Variants in CHFR observed in about 807,000 individuals in gnomAD.
The protein encoded by CHFR is E3 ubiquitin-protein ligase CHFR.
Under a neutral mutation model 87.6 loss-of-function variants are expected in CHFR, and 57 were observed. The ratio of observed to expected loss-of-function variants is 0.65; its 90% confidence interval spans 0.53 to 0.81. The LOEUF (loss-of-function observed/expected upper bound fraction) is 0.81. CHFR is among the 30% of genes least tolerant of loss of function. CHFR has a pLI of 0.00. For missense variants in CHFR, 797 were observed against 865.8 expected (o/e 0.92, Z 1.00); for synonymous variants, 381 against 359.2 (o/e 1.06, Z -0.69).
At chr12:132,869,863 C>T in intron 5 of CHFR, 65 bp from the exon 6 acceptor site, 3 of 1,526,020 alleles carry the variant, frequency 2.0e-6, no homozygotes, top group East Asian at 2.5e-5. Flanking sequence ...AGAAGCAGCA[C>T]ACAACCAGGG....
In CHFR at chr12:132,885,102, T is replaced by C. The variant is rs1300078668; in HGVS notation, c.133+2094A>G. On this transcript the variant is annotated intron_variant, in intron 2 of 17. Transcript: ENST00000450056. ...GACTCTATCTCAAAAATTAAAAAAA[T>C]AAAATAAAATAAAAAATAAATTTCT... Among the ~76,000 whole-genome samples, 19 of 148,566 alleles carry C rather than the reference T, an allele frequency of 1.3e-4. No individual in the cohort carries two copies. In the Admixed American group the frequency reaches 1.3e-3, roughly 10 times the overall value.
intron 12 of CHFR, among the ~76,000 whole-genome samples, chr12:132,850,758 C>T (rs1208347066): frequency 6.6e-6 from 1 of 152,098 alleles, no homozygotes; most frequent in East Asian, 1.9e-4. Flanking sequence ...CAGAGCAACA[C>T]CGGTGTGTGC....
rs996752517 is a variant in CHFR, at chr12:132,836,769, C to T, written c.*4785G>A. On this transcript the variant is annotated 3_prime_UTR_variant, in exon 18 of 18. Coordinates refer to ENST00000450056, the MANE Select transcript of CHFR (RefSeq NM_001161346.2). ...GAGGAAGGGGCGCCTGTTTGTGCCGCGGGAAAGATTTCAAGCCCAGGGGAC... is the reference window on the plus strand; with the variant it reads ...GAGGAAGGGGCGCCTGTTTGTGCCGTGGGAAAGATTTCAAGCCCAGGGGAC... The T allele has an allele frequency of 6.6e-6, 3 of 455,848 alleles. No homozygotes were observed. Among genetic ancestry groups the T allele is most frequent in the East Asian group, 6.9e-5 (1 of 14,404 alleles). The allele number at this position is 455,848 out of a possible 1,614,324, so 28.2% of individuals were successfully genotyped here. A position where few individuals can be genotyped will look rare whatever the true frequency, so the allele number is the denominator to read the frequency against.
chr12:132,861,949 A>G (rs1951218812), intron 6 of CHFR: 2 of 330,322 alleles, frequency 6.1e-6, no homozygotes, highest in East Asian at 5.8e-5. Context: ...CCGTGGTCAT[A>G]TGATACACAC....
rs540115022 is a variant in CHFR at position 132,835,849 on chromosome 12, G to A, written c.*5705C>T. 31 of 324,630 alleles carry A rather than the reference G, an allele frequency of 9.5e-5. No homozygotes were observed. Among genetic ancestry groups the A allele is most frequent in the African/African-American group, 5.6e-4 (24 of 42,670 alleles). The allele number at this position is 324,630 out of a possible 1,614,324, so 20.1% of individuals were successfully genotyped here. A position where few individuals can be genotyped will look rare whatever the true frequency, so the allele number is the denominator to read the frequency against. ...GTGCCAGGCTCCCAGCACAGCGCACGGCCCTCACAGTGATAGGCTCCCAGC... is the reference window on the plus strand; with the variant it reads ...GTGCCAGGCTCCCAGCACAGCGCACAGCCCTCACAGTGATAGGCTCCCAGC... On this transcript the variant is annotated 3_prime_UTR_variant, in exon 18 of 18. Coordinates refer to ENST00000450056, the MANE Select transcript of CHFR (RefSeq NM_001161346.2).
chr12:132,861,594 G>A lies in CHFR; in HGVS notation c.624C>T (p.Pro208=). Residue 208 remains proline (P), a synonymous_variant, in exon 7 of 18, where the codon CCC becomes CCT. Coordinates refer to ENST00000450056, the MANE Select transcript of CHFR (RefSeq NM_001161346.2). ...GGGISPKGSG[P]SVASDEVSSF... is the part of the protein sequence containing the mutation. ...TGGAGACTTCATCACTTGCCACAGA[G>A]GGACCACTTCCTTTAGGGGAGATGC... is the stretch of plus-strand genomic sequence containing the variant. The A allele has an allele frequency of 6.2e-6, 10 of 1,614,192 alleles. No homozygotes were observed. Among genetic ancestry groups the A allele is most frequent in the Non-Finnish European group, 8.5e-6 (10 of 1,180,030 alleles).
At chr12:132,881,276 A>G (rs1365216564) in intron 2 of CHFR, among the ~76,000 whole-genome samples, 1 of 152,180 alleles carries the variant, frequency 6.6e-6, no homozygotes, top group Non-Finnish European at 1.5e-5. Context: ...AAAAAAGTAA[A>G]AATCTGTTCT....
chr12:132,843,571 A>G (rs1272253836), intron 16 of CHFR, among the ~76,000 whole-genome samples: 2 of 152,232 alleles, frequency 1.3e-5, no homozygotes, highest in Non-Finnish European at 2.9e-5. Context: ...CCCAGGGCCT[A>G]AAACAACCAC....
chr12:132,869,850 A>G, intron 5 of CHFR, 52 bp from the exon 6 acceptor site: 1 of 1,539,346 alleles, frequency 6.5e-7, no homozygotes, highest in Non-Finnish European at 8.8e-7. Context: ...ACCCAAAAGG[A>G]GCAGAAGCAG....
intron 3 of CHFR, among the ~76,000 whole-genome samples, chr12:132,874,159 G>A (rs1309457997): frequency 2.0e-5 from 3 of 152,258 alleles, no homozygotes; most frequent in Non-Finnish European, 2.9e-5. Flanking sequence ...ATCGGACTCT[G>A]GACCTCCATA....
At chr12:132,856,811 G>A in intron 9 of CHFR, 181 bp from the exon 10 acceptor site, 5 of 717,016 alleles carry the variant, frequency 7.0e-6, no homozygotes. Context: ...TGGTGTGGAT[G>A]CCCTCACGTG....
chr12:132,837,000 T>G lies in CHFR; in HGVS notation c.*4554A>C. ...GACAGGTGCTGGGGGGAAACTAGAC[T>G]GGCTGGCGGGGTGGGGGCAGCCCTG... On this transcript the variant is annotated 3_prime_UTR_variant, in exon 18 of 18. Transcript: ENST00000450056. The G allele has an allele frequency of 2.9e-6, 1 of 348,764 alleles. No individual in the cohort carries two copies. The highest frequency in any genetic ancestry group is 2.1e-5 in the South Asian group (1 of 46,760). The allele number at this position is 348,764 out of a possible 1,614,324, so 21.6% of individuals were successfully genotyped here. A position where few individuals can be genotyped will look rare whatever the true frequency, so the allele number is the denominator to read the frequency against.
At chr12:132,848,014 G>A in intron 14 of CHFR, 71 bp downstream of exon 14, 2 of 1,610,658 alleles carry the variant, frequency 1.2e-6, no homozygotes, top group South Asian at 1.1e-5. Flanking sequence ...CCAATAGAAT[G>A]CAGAGAACCA....
At chr12:132,847,472 C>T in intron 14 of CHFR, 1 of 1,108,878 alleles carries the variant, frequency 9.0e-7, no homozygotes, top group Non-Finnish European at 1.1e-6. Context: ...ACAAGAAAAG[C>T]TGAGGACTTG....
intron 2 of CHFR, among the ~76,000 whole-genome samples, chr12:132,886,968 G>A (rs189356957): frequency 6.6e-6 from 1 of 152,362 alleles, no homozygotes; most frequent in East Asian, 1.9e-4. Flanking sequence ...GCATTCTGGA[G>A]AGTATATGAA....
rs904877930 is a variant in CHFR at position 132,840,370 on chromosome 12, A to G, written c.*1184T>C. On this transcript the variant is annotated 3_prime_UTR_variant, in exon 18 of 18. Transcript: ENST00000450056. ...GAGAGCGGAGGAGCAAACGCGGCTC[A>G]TTTATTAGAATATGCAAAAGAGAGG... is the stretch of plus-strand genomic sequence containing the variant. The G allele has an allele frequency of 6.6e-6, 1 of 152,592 alleles. No homozygotes were observed. The highest frequency in any genetic ancestry group is 2.4e-5 in the African/African-American group (1 of 41,444). The allele number at this position is 152,592 out of a possible 1,614,324, so 9.5% of individuals were successfully genotyped here.
chr12:132,842,137 A>G (rs920617652), intron 17 of CHFR, among the ~76,000 whole-genome samples: 1 of 150,878 alleles, frequency 6.6e-6, no homozygotes, highest in African/African-American at 2.4e-5. Flanking sequence ...AAGAAGTGCA[A>G]ACATCTTAGA....
At position 132,839,763 on chromosome 12, in the gene CHFR, A is replaced by G. The variant is rs111779210; in HGVS notation, c.*1791T>C. 16 of 158,528 alleles carry G rather than the reference A, an allele frequency of 1.0e-4. No homozygotes were observed. Among genetic ancestry groups the G allele is most frequent in the African/African-American group, 4.1e-4 (15 of 37,012 alleles). 9.8% of individuals were successfully genotyped at this position (158,528 alleles called of 1,614,324 possible). A position where few individuals can be genotyped will look rare whatever the true frequency, so the allele number is the denominator to read the frequency against. On this transcript the variant is annotated 3_prime_UTR_variant, in exon 18 of 18. Transcript: ENST00000450056. ...CCCTTTTGGCTTCATCCATGCACAA[A>G]CTTGGGACCTCCCTTCTCGGCCTCA... is the stretch of plus-strand genomic sequence containing the variant.
intron 15 of CHFR, among the ~76,000 whole-genome samples, chr12:132,846,403 C>T (rs569756753): frequency 2.0e-5 from 3 of 152,100 alleles, no homozygotes; most frequent in South Asian, 2.1e-4. Flanking sequence ...GCTGGGACTA[C>T]AGGCGCCCGC....
Sources: gnomAD v4.1 joint callset for allele counts (sites outside exome capture counted in the v4.1 genomes callset) on GRCh38, gnomAD v4.1.1 for gene constraint, MANE v1.5 for transcripts, NCBI Gene and HGNC (gene_info 2026-07-23, HGNC 2026-07-21) for gene names.